SH3RF3: variants seen among roughly 807,000 people sequenced by gnomAD.
The protein encoded by SH3RF3 is E3 ubiquitin-protein ligase SH3RF3.
SH3RF3 carries 29 observed loss-of-function variants against 66.3 expected under a neutral mutation model. The ratio of observed to expected loss-of-function variants is 0.44; its 90% CI spans 0.33 to 0.60. The LOEUF (loss-of-function observed/expected upper bound fraction) is 0.60. Ranked by LOEUF, SH3RF3 falls within the 20% of genes least tolerant of loss-of-function variation. The pLI, the probability that SH3RF3 is intolerant of heterozygous loss-of-function variation, is 0.04. For missense variants in SH3RF3, 1,194 were observed against 1,190.9 expected (o/e 1.00, Z -0.04); for synonymous variants, 583 against 532.0 (o/e 1.10, Z -1.32).
At position 109,129,444 on chromosome 2, in the gene SH3RF3, C is replaced by T. The variant is rs1343964785; in HGVS notation, c.-97C>T. Reference sequence around the variant, plus strand: ...CGGGGTGAAGAAAGTCACGGCGGAGCCCGGCTCCCCAGTCCTGATGCTGGC... The same window carrying T: ...CGGGGTGAAGAAAGTCACGGCGGAGTCCGGCTCCCCAGTCCTGATGCTGGC... On this transcript the variant is annotated 5_prime_UTR_variant, in exon 1 of 10. Coordinates refer to ENST00000309415, the MANE Select transcript of SH3RF3 (RefSeq NM_001099289.3). 5 of 1,490,886 alleles carry T rather than the reference C, an allele frequency of 3.4e-6. No homozygotes were observed. The highest frequency in any genetic ancestry group is 2.5e-5 in the South Asian group (2 of 80,456). 92.4% of individuals were successfully genotyped at this position (1,490,886 alleles called of 1,614,324 possible).
intron 1 of SH3RF3, among the ~76,000 whole-genome samples, chr2:109,268,232 A>T (rs1680543107): frequency 1.3e-5 from 2 of 151,810 alleles, no homozygotes; most frequent in South Asian, 4.2e-4. Context: ...TTCTGTGTGG[A>T]ATGGAAAACC....
chr2:109,256,491 T>A (rs1483802265), intron 1 of SH3RF3, among the ~76,000 whole-genome samples: 1 of 152,088 alleles, frequency 6.6e-6, no homozygotes, highest in East Asian at 1.9e-4. Context: ...AGATTTGAGA[T>A]CAGTCACAAA....
intron 1 of SH3RF3, among the ~76,000 whole-genome samples, chr2:109,331,988 G>A (rs539654869): frequency 6.6e-6 from 1 of 152,302 alleles, no homozygotes; most frequent in South Asian, 2.1e-4. Context: ...TCTGTGACTA[G>A]TCGTGGATGC....
chr2:109,457,262 T>A (rs1457506071), intron 8 of SH3RF3, among the ~76,000 whole-genome samples: 1 of 152,200 alleles, frequency 6.6e-6, no homozygotes, highest in Admixed American at 6.5e-5. Flanking sequence ...AATTAAATGA[T>A]CCATACAGAT....
At chr2:109,144,619 A>G (rs73954552) in intron 1 of SH3RF3, among the ~76,000 whole-genome samples, 2,233 of 152,378 alleles carry the variant, frequency 0.015, 57 homozygotes, top group African/African-American at 0.049. Flanking sequence ...AATGGCAAAC[A>G]TGAGAAACCC....
At chr2:109,240,336 A>C (rs535469616) in intron 1 of SH3RF3, among the ~76,000 whole-genome samples, 1 of 152,192 alleles carries the variant, frequency 6.6e-6, no homozygotes, top group South Asian at 2.1e-4. Context: ...AAATACAAAA[A>C]AATTAGTCAG....
chr2:109,213,492 G>T (rs1679039681), intron 1 of SH3RF3, among the ~76,000 whole-genome samples: 1 of 152,208 alleles, frequency 6.6e-6, no homozygotes, highest in Non-Finnish European at 1.5e-5. Context: ...CCCAGGATCT[G>T]CAGGGAGCCT....
rs368441676 is a variant in SH3RF3, at chr2:109,182,733, G to C, written c.573+52620G>C. Among the ~76,000 whole-genome samples the C allele has an allele frequency of 3.3e-5, 5 of 152,182 alleles. No homozygotes were observed. In the South Asian group the frequency reaches 1.0e-3, roughly 32 times the overall value. On this transcript the variant is annotated intron_variant, in intron 1 of 9. Transcript: ENST00000309415. ...ACTACTGCAGTGGTCTACATATAAAGTAATTCTCAATTTAAATGATTTCTT... is the reference window on the plus strand; with the variant it reads ...ACTACTGCAGTGGTCTACATATAAACTAATTCTCAATTTAAATGATTTCTT...
intron 1 of SH3RF3, among the ~76,000 whole-genome samples, chr2:109,207,862 A>T (rs1211064078): frequency 1.3e-5 from 2 of 152,198 alleles, no homozygotes; most frequent in African/African-American, 4.8e-5. Flanking sequence ...TTGGGGACCA[A>T]TTTAACAAAT....
At chr2:109,282,510 C>G (rs529169880) in intron 1 of SH3RF3, among the ~76,000 whole-genome samples, 106 of 152,102 alleles carry the variant, frequency 7.0e-4, no homozygotes, top group African/African-American at 2.4e-3. Context: ...GCCTGCCCTG[C>G]GGTGGGAGGA....
At chr2:109,392,222 T>G (rs1259129840) in intron 3 of SH3RF3, among the ~76,000 whole-genome samples, 1 of 152,214 alleles carries the variant, frequency 6.6e-6, no homozygotes, top group Non-Finnish European at 1.5e-5. Flanking sequence ...ATTCTTTTTT[T>G]TACATCAAGA....
At chr2:109,135,896 A>G (rs900176509) in intron 1 of SH3RF3, among the ~76,000 whole-genome samples, 1 of 151,992 alleles carries the variant, frequency 6.6e-6, no homozygotes, top group Non-Finnish European at 1.5e-5. Flanking sequence ...CTAAGCCATA[A>G]TCTGCTTTAA....
At chr2:109,337,219 G>A (rs949960788) in intron 1 of SH3RF3, among the ~76,000 whole-genome samples, 32 of 152,150 alleles carry the variant, frequency 2.1e-4, no homozygotes, top group African/African-American at 7.5e-4. Context: ...ATTTGTAAAA[G>A]CCTTTGGACC....
chr2:109,173,914 G>A (rs1055766554), intron 1 of SH3RF3, among the ~76,000 whole-genome samples: 1 of 152,224 alleles, frequency 6.6e-6, no homozygotes, highest in Non-Finnish European at 1.5e-5. Flanking sequence ...GTGAAATCCG[G>A]TGTGGGCCAA....
At chr2:109,248,922 G>A (rs982319084) in intron 1 of SH3RF3, among the ~76,000 whole-genome samples, 2 of 148,538 alleles carry the variant, frequency 1.3e-5, no homozygotes, top group African/African-American at 2.5e-5. Flanking sequence ...GTCCTGTCCT[G>A]TCCTGTCCTG....
chr2:109,239,493 A>G (rs548380893), intron 1 of SH3RF3, among the ~76,000 whole-genome samples: 7 of 152,168 alleles, frequency 4.6e-5, no homozygotes, highest in African/African-American at 1.7e-4. Context: ...ACGGACTACA[A>G]TATTCTGAAG....
At chr2:109,243,275 C>T (rs1186776316) in intron 1 of SH3RF3, among the ~76,000 whole-genome samples, 1 of 152,232 alleles carries the variant, frequency 6.6e-6, no homozygotes, top group Non-Finnish European at 1.5e-5. Flanking sequence ...CCAGAGCCGG[C>T]GTCAGCCGTA....
chr2:109,417,416 G>C (rs568723147), intron 4 of SH3RF3, among the ~76,000 whole-genome samples: 100 of 152,254 alleles, frequency 6.6e-4, no homozygotes, highest in African/African-American at 2.4e-3. Flanking sequence ...GGTGTCCCGG[G>C]CAGACAGAAG....
chr2:109,283,056 A>G (rs1473396569), intron 1 of SH3RF3, among the ~76,000 whole-genome samples: 1 of 152,224 alleles, frequency 6.6e-6, no homozygotes, highest in African/African-American at 2.4e-5. Flanking sequence ...GACAGAAGGT[A>G]AGTCCAGGCT....
Sources: allele counts gnomAD v4.1 joint callset (sites outside exome capture counted in the v4.1 genomes callset), GRCh38; gene constraint gnomAD v4.1.1; transcripts MANE v1.5; gene names NCBI Gene and HGNC (gene_info 2026-07-23, HGNC 2026-07-21).